The following GPBP1 variants were observed in gnomAD, a reference collection of about 807,000 sequenced individuals.
The protein encoded by GPBP1 is GC-rich promoter binding protein 1, also known as vasculin.
Under a neutral mutation model 56.5 loss-of-function variants are expected in GPBP1, and 13 were observed. The ratio of observed to expected loss-of-function variants is 0.23; its 90% CI spans 0.15 to 0.37. The LOEUF (loss-of-function observed/expected upper bound fraction) is 0.37, where lower values mean the gene tolerates loss of function less well. GPBP1 is among the 10% of genes least tolerant of loss of function. The pLI is 1.00. For synonymous variants in GPBP1, 204 were observed against 188.9 expected, an observed-to-expected ratio of 1.08 and a Z score of -0.66; for missense variants, 477 against 572.3, an observed-to-expected ratio of 0.83 and a Z score of 1.70.
chr5:57,237,503 GAAAAGATGTTCAAAA>G (rs886870491), intron 6 of GPBP1: 7 of 242,022 alleles, frequency 2.9e-5, no homozygotes, highest in African/African-American at 1.5e-4. Flanking sequence ...AGTACTAGTT[GAAAAGATGTTCAAAA>G]GGAAGATGTA....
At chr5:57,253,618 A>G (rs978769908) in intron 10 of GPBP1, among the ~76,000 whole-genome samples, 16 of 152,254 alleles carry the variant, frequency 1.1e-4, no homozygotes, top group Admixed American at 4.6e-4. Context: ...AATTTGTTAA[A>G]TGAATGAGGG....
At position 57,263,205 on chromosome 5, in the gene GPBP1, T is replaced by G. The variant is rs1741981848; in HGVS notation, c.*453T>G. ...AAGTCCACTTTGTGCGGTCTCCCTC[T>G]CCTTCCCCCAAAAAACAACAACAAC... On this transcript the variant is annotated 3_prime_UTR_variant, in exon 12 of 12. Transcript: ENST00000506184. 6.5e-6 allele frequency: 1 copy of G among 152,752 alleles called. No individual in the cohort carries two copies. Among genetic ancestry groups the G allele is most frequent in the Non-Finnish European group, 1.5e-5 (1 of 68,244 alleles). 9.5% of individuals were successfully genotyped at this position (152,752 alleles called of 1,614,324 possible).
intron 3 of GPBP1, among the ~76,000 whole-genome samples, chr5:57,215,853 C>G (rs1427903143): frequency 6.6e-6 from 1 of 151,232 alleles, no homozygotes; most frequent in Non-Finnish European, 1.5e-5. Context: ...ATTGCTTATT[C>G]AGCTTATTGC....
At chr5:57,229,595 A>T (rs1394189131) in intron 3 of GPBP1, among the ~76,000 whole-genome samples, 1 of 150,402 alleles carries the variant, frequency 6.6e-6, no homozygotes, top group Non-Finnish European at 1.5e-5. Context: ...CAGTTGTGTC[A>T]TCTCGGCTCA....
chr5:57,260,485 TA>T (rs1242357556), intron 10 of GPBP1, among the ~76,000 whole-genome samples: 1 of 152,206 alleles, frequency 6.6e-6, no homozygotes, highest in Admixed American at 6.5e-5. Flanking sequence ...GTTGATCTGA[TA>T]GGGGCTTTTC....
intron 3 of GPBP1, among the ~76,000 whole-genome samples, chr5:57,217,846 T>G (rs1430303724): frequency 6.6e-6 from 1 of 152,034 alleles, no homozygotes; most frequent in African/African-American, 2.4e-5. Context: ...GGTGAAACCC[T>G]GCCTCTCTAC....
At chr5:57,190,928 C>G (rs1754495803) in intron 2 of GPBP1, among the ~76,000 whole-genome samples, 1 of 151,464 alleles carries the variant, frequency 6.6e-6, no homozygotes, top group Non-Finnish European at 1.5e-5. Flanking sequence ...GAACTCTAGG[C>G]AAAACATGTT....
At chr5:57,250,425 T>C (rs1455766885) in intron 9 of GPBP1, among the ~76,000 whole-genome samples, 5 of 152,202 alleles carry the variant, frequency 3.3e-5, no homozygotes, top group Non-Finnish European at 7.3e-5. Context: ...GCCTTCATGC[T>C]TTTAATTTTG....
Position 57,228,430 on chromosome 5 carries a change from G to C in GPBP1, c.64-2416G>C, listed in dbSNP as rs372742415. Among the ~76,000 whole-genome samples, 367 of 151,738 alleles carry C rather than the reference G, an allele frequency of 2.4e-3. 5 individuals carry two copies. The highest frequency in any genetic ancestry group is 8.7e-3 in the African/African-American group (360 of 41,432). On this transcript the variant is annotated intron_variant, in intron 3 of 11. Transcript: ENST00000506184. Reference sequence around the variant, plus strand: ...AGATTGCACCATTGCACTCCAGCCTGGGTGACAGAGCGAGACTCTGTCTCA... The same window carrying C: ...AGATTGCACCATTGCACTCCAGCCTCGGTGACAGAGCGAGACTCTGTCTCA...
chr5:57,177,631 G>A (rs1244348699), intron 2 of GPBP1, among the ~76,000 whole-genome samples: 1 of 143,606 alleles, frequency 7.0e-6, no homozygotes, highest in Non-Finnish European at 1.5e-5. Context: ...CCGCCACCAC[G>A]CTCGGCCAAT....
rs71287163 is a variant in GPBP1, at chr5:57,211,576, TTTGTTG to T, written c.-57-2476_-57-2471del. Among the ~76,000 whole-genome samples the T allele has an allele frequency of 5.2e-4, 79 of 151,034 alleles. 1 individual carries two copies. Among genetic ancestry groups the T allele is most frequent in the Admixed American group, 3.2e-3 (48 of 15,186 alleles). On this transcript the variant is annotated intron_variant, in intron 2 of 11. Coordinates refer to ENST00000506184, the MANE Select transcript of GPBP1 (RefSeq NM_022913.4). ...ATTTTAGTGGTTTGCCTCCGGGGAT[TTTGTTG>T]TTGTTGTTGTTGTTGTTGTTGGAGA...
intron 2 of GPBP1, among the ~76,000 whole-genome samples, chr5:57,183,671 T>C (rs1163735126): frequency 2.6e-5 from 4 of 152,062 alleles, no homozygotes; most frequent in Non-Finnish European, 4.4e-5. Context: ...ACGATGAAAG[T>C]GTAGTATAAG....
rs183429040 is a variant in GPBP1 at position 57,251,097 on chromosome 5, C to T, written c.1116C>T (p.Phe372=). 38 of 1,611,876 alleles carry T rather than the reference C, an allele frequency of 2.4e-5. No individual in the cohort carries two copies. In the East Asian group the frequency reaches 7.8e-4, roughly 33 times the overall value. The change falls in exon 10 of 12, where the codon TTC becomes TTT. Residue 372 remains phenylalanine, a synonymous_variant. Transcript: ENST00000506184. The part of the protein sequence containing the change: ...ISQQIIRSST[F]PQTDVLSSSL... ...AGCAGATCATTCGGTCTTCAACCTT[C>T]CCACAAACTGATGTTCTTTCAAGTT... is the stretch of plus-strand genomic sequence containing the variant.
chr5:57,183,000 C>T (rs967896406), intron 2 of GPBP1, among the ~76,000 whole-genome samples: 2 of 152,148 alleles, frequency 1.3e-5, no homozygotes, highest in East Asian at 3.9e-4. Flanking sequence ...ATTCTTAATT[C>T]AGTTTTCAAA....
rs745684843 is a variant in GPBP1, at chr5:57,250,972, T to G, written c.991T>G (p.Leu331Val). ...AAATCAGGATGACGACTCATTTAAT[T>G]TACATAACAGCAATAGTACTCACCA... ...GSEKDDDSFN[L>V]HNSNSTHQER... The change falls in exon 10 of 12, where the codon TTA (leucine) becomes GTA (valine). Residue 331 changes from leucine (L) to valine (V), a missense_variant. Leu to Val is a conservative substitution (Grantham distance 32, BLOSUM62 1). Coordinates refer to ENST00000506184, the MANE Select transcript of GPBP1 (RefSeq NM_022913.4). 1.9e-6 allele frequency: 3 copies of G among 1,590,302 alleles called. No homozygotes were observed. The highest frequency in any genetic ancestry group is 2.6e-6 in the Non-Finnish European group (3 of 1,169,810).
At chr5:57,243,584 C>T (rs1311905520) in intron 6 of GPBP1, among the ~76,000 whole-genome samples, 1 of 151,784 alleles carries the variant, frequency 6.6e-6, no homozygotes, top group Non-Finnish European at 1.5e-5. Flanking sequence ...TACTCCTAGG[C>T]ATCTAGGAAT....
chr5:57,208,004 G>A (rs1026280956), intron 2 of GPBP1, among the ~76,000 whole-genome samples: 3 of 152,126 alleles, frequency 2.0e-5, no homozygotes, highest in Admixed American at 2.0e-4. Context: ...GCACACGATG[G>A]GGGTGTGACT....
intron 6 of GPBP1, among the ~76,000 whole-genome samples, chr5:57,239,736 C>T (rs981794513): frequency 5.9e-5 from 9 of 152,038 alleles, no homozygotes; most frequent in African/African-American, 1.7e-4. Flanking sequence ...GCCAAGATCG[C>T]GCCACTGCAC....
chr5:57,240,060 C>T (rs932937504), intron 6 of GPBP1, among the ~76,000 whole-genome samples: 1 of 151,888 alleles, frequency 6.6e-6, no homozygotes, highest in African/African-American at 2.4e-5. Context: ...CAGGAGCTCT[C>T]ATAGGGAGAC....
Sources: gnomAD v4.1 joint callset for allele counts (sites outside exome capture counted in the v4.1 genomes callset) on GRCh38, gnomAD v4.1.1 for gene constraint, MANE v1.5 for transcripts, NCBI Gene and HGNC (gene_info 2026-07-23, HGNC 2026-07-21) for gene names.